Variants in PUDP observed in about 807,000 individuals in gnomAD.
PUDP encodes pseudouridine 5'-phosphatase.
PUDP carries 8 observed loss-of-function variants against 9.4 expected under a neutral mutation model. The observed-to-expected ratio is 0.85, with a 90% CI of 0.50 to 1.53. The LOEUF (loss-of-function observed/expected upper bound fraction) is 1.53. Ranked by LOEUF, PUDP falls within the 40% of genes most tolerant of loss-of-function variation. The pLI, the probability that PUDP is intolerant of heterozygous loss-of-function variation, is 0.00. For missense variants in PUDP, 188 were observed against 189.7 expected (o/e 0.99, Z 0.05); for synonymous variants, 99 against 80.7 (o/e 1.23, Z -1.22).
At chrX:6,934,760 T>C (rs1184552580) in intron 3 of PUDP, among the ~76,000 whole-genome samples, 1 of 87,744 alleles carries the variant, frequency 1.1e-5, no homozygotes, top group Non-Finnish European at 2.2e-5. Context: ...GAGACACACA[T>C]AGGCTCAAAA....
At chrX:7,096,912 C>A (rs191890779) in intron 2 of PUDP, among the ~76,000 whole-genome samples, 46 of 110,752 alleles carry the variant, frequency 4.2e-4, no homozygotes, top group Admixed American at 2.4e-3. Context: ...TAAGATCATC[C>A]TTTCATTCCT....
intron 3 of PUDP, among the ~76,000 whole-genome samples, chrX:6,876,133 C>T (rs1489766566): frequency 9.0e-6 from 1 of 111,694 alleles, no homozygotes; most frequent in Non-Finnish European, 1.9e-5. Context: ...TAAAAACTAT[C>T]TTTTGAGTGC....
At chrX:7,034,787 G>A (rs1473125342) in intron 1 of PUDP, among the ~76,000 whole-genome samples, 8 of 111,512 alleles carry the variant, frequency 7.2e-5, no homozygotes, top group African/African-American at 2.3e-4. Flanking sequence ...TCTGGACACA[G>A]GGCTATGAAA....
At chrX:6,751,063 A>T (rs1383471092) in intron 3 of PUDP, among the ~76,000 whole-genome samples, 3 of 109,940 alleles carry the variant, frequency 2.7e-5, no homozygotes, top group Non-Finnish European at 5.7e-5. Flanking sequence ...AATGGTGTGA[A>T]CCGGGGAGGC....
chrX:6,787,227 A>C lies in PUDP; in HGVS notation c.*248-80761T>G, dbSNP rs192556520. On this transcript the variant is annotated intron_variant and NMD_transcript_variant, in intron 3 of 3. Coordinates refer to the PUDP transcript ENST00000655425. ...CAGAATCTTGAATAGCCTAAAAAAA[A>C]CCCCACAATATCAATTATGACAAGA... Among the ~76,000 whole-genome samples the C allele has an allele frequency of 3.0e-3, 337 of 111,591 alleles. 1 individual carries two copies. The highest frequency in any genetic ancestry group is 0.01 in the African/African-American group (309 of 30,717).
intron 3 of PUDP, among the ~76,000 whole-genome samples, chrX:6,914,242 A>G (rs1004810667): frequency 1.8e-5 from 2 of 110,354 alleles, no homozygotes; most frequent in African/African-American, 6.6e-5. Context: ...TTACATAGAC[A>G]CAGAACATAG....
In PUDP at chrX:7,135,438, C is replaced by A. The variant is rs748957196; in HGVS notation, c.61+12615G>T. ...CTGACATCTGTCTAAATCCTGTAGA[C>A]ATTTGTCTACAAATCTCCTGCACTA... On this transcript the variant is annotated intron_variant, in intron 1 of 3. Coordinates refer to ENST00000381077, the MANE Select transcript of PUDP (RefSeq NM_012080.5). Among the ~76,000 whole-genome samples, 665 of 112,145 alleles carry A rather than the reference C, an allele frequency of 5.9e-3. 2 individuals carry two copies. The highest frequency in any genetic ancestry group is 8.9e-3 in the Non-Finnish European group (474 of 53,233).
chrX:7,137,198 G>A (rs1412472695), intron 1 of PUDP, among the ~76,000 whole-genome samples: 9 of 98,273 alleles, frequency 9.2e-5, no homozygotes, highest in South Asian at 5.2e-4. Context: ...CCAAGATCGC[G>A]CCATTGCACT....
chrX:7,035,485 C>T (rs2051326082), intron 1 of PUDP, among the ~76,000 whole-genome samples: 1 of 111,572 alleles, frequency 9.0e-6, no homozygotes, highest in Admixed American at 9.5e-5. Flanking sequence ...ACTGCACTTG[C>T]TATTTTATTT....
chrX:6,942,137 G>C lies in PUDP; in HGVS notation c.*247+34996C>G, dbSNP rs151134778. ...TATTCTGGCAATAGATACACTAAAA[G>C]CCCAGAATTCACCACTACACAATAT... On this transcript the variant is annotated intron_variant and NMD_transcript_variant, in intron 3 of 3. Transcript: ENST00000655425. Among the ~76,000 whole-genome samples the C allele has an allele frequency of 5.6e-3, 624 of 111,149 alleles. 3 individuals are homozygous for C. The highest frequency in any genetic ancestry group is 0.02 in the African/African-American group (597 of 30,571).
intron 3 of PUDP, among the ~76,000 whole-genome samples, chrX:6,896,024 T>C (rs781556879): frequency 8.6e-4 from 96 of 111,540 alleles, no homozygotes; most frequent in African/African-American, 3.0e-3. Flanking sequence ...ACCAAAACAT[T>C]GTGGGTGAGG....
intron 1 of PUDP, among the ~76,000 whole-genome samples, chrX:7,005,229 G>C (rs1164592277): frequency 9.0e-6 from 1 of 110,620 alleles, no homozygotes; most frequent in Admixed American, 9.7e-5. Context: ...AAGAAGGGCT[G>C]TTTCATGGAG....
intron 3 of PUDP, among the ~76,000 whole-genome samples, chrX:6,865,771 T>C (rs909554005): frequency 1.8e-5 from 2 of 111,238 alleles, no homozygotes; most frequent in African/African-American, 6.5e-5. Context: ...CATCTAAGCA[T>C]GCTGAGCTGA....
At chrX:7,045,814 T>G (rs141672337), downstream of PUDP, among the ~76,000 whole-genome samples, 71 of 111,962 alleles carry the variant, frequency 6.3e-4, 1 homozygote, top group East Asian at 0.016. Flanking sequence ...AAAAAGAGAC[T>G]GCCTTAAAGG....
At chrX:6,844,214 T>C (rs1421835937) in intron 3 of PUDP, among the ~76,000 whole-genome samples, 1 of 112,962 alleles carries the variant, frequency 8.9e-6, no homozygotes, top group Non-Finnish European at 1.9e-5. Context: ...TCCATCTGGA[T>C]ACTCCAGAAT....
In PUDP at chrX:6,803,945, G is replaced by A. The variant is rs193182340; in HGVS notation, c.*248-97479C>T. 1.8e-3 allele frequency among the ~76,000 whole-genome samples: 195 copies of A among 110,214 alleles called. 1 individual carries two copies. The highest frequency in any genetic ancestry group is 5.6e-3 in the Admixed American group (58 of 10,355). On this transcript the variant is annotated intron_variant and NMD_transcript_variant, in intron 3 of 3. Coordinates refer to the PUDP transcript ENST00000655425. ...AATTTTATTCCTAGGCCAACATATG[G>A]TAATTTAATTCGGGGTGGGGGGGAT...
At chrX:6,771,152 G>A (rs1180601111) in intron 3 of PUDP, among the ~76,000 whole-genome samples, 1 of 111,208 alleles carries the variant, frequency 9.0e-6, no homozygotes, top group Non-Finnish European at 1.9e-5. Flanking sequence ...CAGAGCCCTG[G>A]GGAATTGCAC....
intron 3 of PUDP, among the ~76,000 whole-genome samples, chrX:6,806,225 A>C (rs113637579): frequency 0.03 from 3,400 of 112,111 alleles, 127 homozygotes; most frequent in African/African-American, 0.1. Context: ...TTTGGTGATC[A>C]TTTTAATATT....
At chrX:6,830,927 C>T (rs1220612650) in intron 3 of PUDP, among the ~76,000 whole-genome samples, 2 of 112,136 alleles carry the variant, frequency 1.8e-5, no homozygotes, top group Admixed American at 1.9e-4. Flanking sequence ...GAGTTTAATT[C>T]ACACAGAGCC....
Sources: gnomAD v4.1 joint callset for allele counts (sites outside exome capture counted in the v4.1 genomes callset) on GRCh38, gnomAD v4.1.1 for gene constraint, MANE v1.5 for transcripts, NCBI Gene and HGNC (gene_info 2026-07-23, HGNC 2026-07-21) for gene names.